Variants in RBFOX3 observed in about 807,000 individuals in gnomAD.
The protein encoded by RBFOX3 is RNA binding protein fox-1 homolog 3.
In RBFOX3, 17 loss-of-function variants were observed where a neutral mutation model predicts 48.7. The ratio of observed to expected loss-of-function variants is 0.35; its 90% CI spans 0.24 to 0.52. The LOEUF (loss-of-function observed/expected upper bound fraction) is 0.52. Ranked by LOEUF, RBFOX3 falls within the 20% of genes least tolerant of loss-of-function variation. RBFOX3 has a pLI of 0.94. For missense variants in RBFOX3, 382 were observed against 497.5 expected (o/e 0.77, Z 2.21); for synonymous variants, 212 against 209.5 (o/e 1.01, Z -0.10).
rs1296994540 is a variant in RBFOX3 at position 79,479,834 on chromosome 17, C to A, written c.-175+2620G>T. 2.6e-5 allele frequency among the ~76,000 whole-genome samples: 4 copies of A among 152,184 alleles called. No individual in the cohort carries two copies. The highest frequency in any genetic ancestry group is 4.4e-5 in the Non-Finnish European group (3 of 68,022). ...AGCATGGGAGATGGTGCTACCGTCACGGCCTGCAGGATGTCTGTACGTCAG... is the reference window on the plus strand; with the variant it reads ...AGCATGGGAGATGGTGCTACCGTCAAGGCCTGCAGGATGTCTGTACGTCAG... On this transcript the variant is annotated intron_variant, in intron 2 of 14. Coordinates refer to ENST00000693108, the MANE Select transcript of RBFOX3 (RefSeq NM_001350451.2). This position sits in a 1 kb window ranked among gnomAD's most constrained non-coding sequence, Gnocchi z 5.1.
intron 4 of RBFOX3, among the ~76,000 whole-genome samples, chr17:79,197,800 C>T (rs1230241270): frequency 6.6e-6 from 1 of 152,106 alleles, no homozygotes; most frequent in Non-Finnish European, 1.5e-5. Flanking sequence ...CCACTCCATT[C>T]CCCTTTGTAC....
In RBFOX3 at chr17:79,149,472, C is replaced by A. The variant is rs959841227; in HGVS notation, c.-33-33724G>T. Among the ~76,000 whole-genome samples, 6 of 152,112 alleles carry A rather than the reference C, an allele frequency of 3.9e-5. No homozygotes were observed. The South Asian group carries it at 1.0e-3, about 26-fold the overall frequency. ...CCTGGGGGAGGAGCAGGGCTGGACA[C>A]GAGAGTGGACCTGGCCTCAGTGAGA... is the stretch of plus-strand genomic sequence containing the variant. On this transcript the variant is annotated intron_variant, in intron 4 of 14. Coordinates refer to ENST00000693108, the MANE Select transcript of RBFOX3 (RefSeq NM_001350451.2).
chr17:79,458,612 T>A (rs1555746712), intron 2 of RBFOX3, among the ~76,000 whole-genome samples: 1 of 147,982 alleles, frequency 6.8e-6, no homozygotes, highest in South Asian at 2.1e-4. Flanking sequence ...AAAAAAAGGT[T>A]GAAAACTAAG....
intron 1 of RBFOX3, among the ~76,000 whole-genome samples, chr17:79,606,204 C>T (rs970073098): frequency 1.3e-5 from 2 of 152,182 alleles, no homozygotes; most frequent in African/African-American, 2.4e-5. Context: ...AAGGCCCCCA[C>T]GTGTCTTACA....
At chr17:79,436,862 G>T (rs2069576987) in intron 2 of RBFOX3, among the ~76,000 whole-genome samples, 1 of 151,970 alleles carries the variant, frequency 6.6e-6, no homozygotes. Flanking sequence ...GTTCATTTTT[G>T]ACAAAAAACT....
intron 2 of RBFOX3, among the ~76,000 whole-genome samples, chr17:79,383,792 C>G (rs1175746883): frequency 6.6e-6 from 1 of 152,188 alleles, no homozygotes; most frequent in Non-Finnish European, 1.5e-5. Flanking sequence ...GCCCCTCCAT[C>G]CTGGCACACA....
rs72846063 is a variant in RBFOX3, at chr17:79,212,415, C to T, written c.-34+23351G>A. Among the ~76,000 whole-genome samples the T allele has an allele frequency of 0.043, 6,560 of 152,186 alleles. 168 individuals are homozygous for T. Among genetic ancestry groups the T allele is most frequent in the Middle Eastern group, 0.054 (16 of 294 alleles). ...TTCCCTCCTGCAGCCGGGCTCCTGG[C>T]GCTGCCCGTTCCCAATTTCTCCTTC... On this transcript the variant is annotated intron_variant, in intron 4 of 14. Transcript: ENST00000693108. The surrounding 1 kb of genome is among the most constrained non-coding windows in gnomAD (Gnocchi z 4.7).
chr17:79,269,967 G>A (rs2067371485), intron 3 of RBFOX3, among the ~76,000 whole-genome samples: 1 of 152,092 alleles, frequency 6.6e-6, no homozygotes, highest in Non-Finnish European at 1.5e-5. Flanking sequence ...GGACGCCACT[G>A]CTGCCCTCAG....
rs1361862814 is a variant in RBFOX3 at position 79,214,585 on chromosome 17, G to T, written c.-34+21181C>A. Among the ~76,000 whole-genome samples, 1 of 152,020 alleles carries T rather than the reference G, an allele frequency of 6.6e-6. No homozygotes were observed. The highest frequency in any genetic ancestry group is 2.1e-4 in the South Asian group (1 of 4,802). On this transcript the variant is annotated intron_variant, in intron 4 of 14. Coordinates refer to ENST00000693108, the MANE Select transcript of RBFOX3 (RefSeq NM_001350451.2). The surrounding 1 kb of genome is among the most constrained non-coding windows in gnomAD (Gnocchi z 4.7). The stretch of plus-strand genomic sequence containing the variant: ...CTGGGGGGGGTCTCGGAGGAAGCAG[G>T]AAGGGTTGGCCTCTGTGGCTGTCCA...
intron 2 of RBFOX3, among the ~76,000 whole-genome samples, chr17:79,325,989 A>G (rs909905504): frequency 2.0e-5 from 3 of 152,258 alleles, no homozygotes; most frequent in Non-Finnish European, 2.9e-5. Flanking sequence ...AGAGACAGCT[A>G]GAAGAGTGTC....
intron 2 of RBFOX3, among the ~76,000 whole-genome samples, chr17:79,366,371 C>A (rs915761531): frequency 6.6e-6 from 1 of 152,224 alleles, no homozygotes; most frequent in Non-Finnish European, 1.5e-5. Context: ...TATACTAAGC[C>A]GTTTCTTTTT....
intron 2 of RBFOX3, among the ~76,000 whole-genome samples, chr17:79,385,335 A>T (rs549073235): frequency 6.6e-6 from 1 of 152,320 alleles, no homozygotes; most frequent in East Asian, 1.9e-4. Flanking sequence ...CAGCCATGGG[A>T]AGTCAGGCAA....
intron 2 of RBFOX3, among the ~76,000 whole-genome samples, chr17:79,357,415 G>T (rs1243031246): frequency 7.9e-5 from 12 of 152,204 alleles, no homozygotes; most frequent in Non-Finnish European, 2.9e-5. Context: ...ATCACCTGAG[G>T]TCAGGAGCTT....
the RBFOX3 span, among the ~76,000 whole-genome samples, chr17:79,625,644 C>T: frequency 6.6e-6 from 1 of 152,098 alleles, no homozygotes; most frequent in Admixed American, 6.6e-5. Flanking sequence ...ATACAAAAAT[C>T]ACCTGGGCAT....
chr17:79,630,948 G>A, the RBFOX3 span, among the ~76,000 whole-genome samples: 1,675 of 152,154 alleles, frequency 0.011, 28 homozygotes, highest in African/African-American at 0.038. Context: ...GACAGCCCCC[G>A]CCCCACGAGG....
At chr17:79,412,627 A>C (rs957110164) in intron 2 of RBFOX3, among the ~76,000 whole-genome samples, 4 of 148,556 alleles carry the variant, frequency 2.7e-5, no homozygotes, top group Non-Finnish European at 4.5e-5. Flanking sequence ...TGTGTGTGTG[A>C]ATGTGTGCAT....
In RBFOX3 at chr17:79,415,195, G is replaced by A. The variant is rs549534990; in HGVS notation, c.-175+67259C>T. On this transcript the variant is annotated intron_variant, in intron 2 of 14. Coordinates refer to ENST00000693108, the MANE Select transcript of RBFOX3 (RefSeq NM_001350451.2). ...CCGCCTTTGCCGAGGTACCTGGGCC[G>A]AGGCCCAGCAATACCTGGTAGAATC... Among the ~76,000 whole-genome samples the A allele has an allele frequency of 9.2e-5, 14 of 152,202 alleles. No homozygotes were observed. The South Asian group carries it at 2.1e-3, about 22-fold the overall frequency.
intron 2 of RBFOX3, among the ~76,000 whole-genome samples, chr17:79,320,741 C>A (rs560512910): frequency 1.3e-5 from 2 of 152,214 alleles, no homozygotes; most frequent in Admixed American, 1.3e-4. Flanking sequence ...GAGCCCTGCC[C>A]GCCTGCTCTC....
intron 1 of RBFOX3, among the ~76,000 whole-genome samples, chr17:79,512,573 A>G (rs1196838213): frequency 6.1e-3 from 369 of 60,062 alleles, no homozygotes; most frequent in Middle Eastern, 0.037. Flanking sequence ...ACACCCACCC[A>G]GATACATGTT....
Sources: gnomAD v4.1 joint callset for allele counts (sites outside exome capture counted in the v4.1 genomes callset) on GRCh38, gnomAD v4.1.1 for gene constraint, Gnocchi (gnomAD v3.1) non-coding constraint, MANE v1.5 for transcripts, NCBI Gene and HGNC (gene_info 2026-07-23, HGNC 2026-07-21) for gene names.